SMAD5: variants seen among roughly 807,000 people sequenced by gnomAD.
SMAD5 encodes SMAD family member 5.
In SMAD5, 9 loss-of-function variants were observed where a neutral mutation model predicts 43.1. That is an observed-to-expected ratio of 0.21 (90% CI 0.13 to 0.36). The LOEUF (loss-of-function observed/expected upper bound fraction) is 0.36. Among genes scored for constraint, SMAD5 ranks in the 10% least tolerant of loss-of-function variants. SMAD5 has a pLI of 1.00. For missense variants in SMAD5, 348 were observed against 574.0 expected, an observed-to-expected ratio of 0.61 and a Z score of 4.02; for synonymous variants, 190 against 192.4, an observed-to-expected ratio of 0.99 and a Z score of 0.10.
At chr5:136,164,600 G>A (rs955138419) in intron 5 of SMAD5, among the ~76,000 whole-genome samples, 4 of 152,036 alleles carry the variant, frequency 2.6e-5, no homozygotes, top group Non-Finnish European at 4.4e-5. Context: ...AGAATTTTTT[G>A]TATATTCTGG....
intron 3 of SMAD5, among the ~76,000 whole-genome samples, chr5:136,157,540 T>G (rs1478514389): frequency 6.6e-6 from 1 of 152,208 alleles, no homozygotes; most frequent in Non-Finnish European, 1.5e-5. Context: ...CTTGTTTACC[T>G]GCAGCTAGGT....
At chr5:136,153,545 A>G in intron 2 of SMAD5, 47 bp from the exon 3 acceptor site, 1 of 451,618 alleles carries the variant, frequency 2.2e-6, no homozygotes, top group Non-Finnish European at 3.9e-6. Flanking sequence ...AAATTTGTAT[A>G]TATTGAATTG....
intron 6 of SMAD5, chr5:136,172,925 C>T (rs1402952516): frequency 6.8e-6 from 3 of 440,142 alleles, no homozygotes; most frequent in Non-Finnish European, 1.3e-5. Context: ...GGAACATAAG[C>T]TGTACAGGAA....
intron 3 of SMAD5, among the ~76,000 whole-genome samples, chr5:136,157,111 A>G (rs1194119142): frequency 1.3e-5 from 2 of 152,194 alleles, no homozygotes; most frequent in Non-Finnish European, 2.9e-5. Context: ...ATGGGGTTAG[A>G]AAAGGGTACT....
At position 136,165,662 on chromosome 5, in the gene SMAD5, ATTTTTT is replaced by A. The variant is rs58156387; in HGVS notation, c.775+2303_775+2308del. Among the ~76,000 whole-genome samples, 9 of 65,448 alleles carry A rather than the reference ATTTTTT, an allele frequency of 1.4e-4. No individual in the cohort carries two copies. In the East Asian group the frequency reaches 2.2e-3, roughly 16 times the overall value. 42.9% of individuals were successfully genotyped at this position (65,448 alleles called of 152,430 possible). A position where few individuals can be genotyped will look rare whatever the true frequency, so the allele number is the denominator to read the frequency against. ...TACTTCATATAAATGGAATCATACA[ATTTTTT>A]TTTTTTTTTTTTTTTTTTTTTTTTT... On this transcript the variant is annotated intron_variant, in intron 5 of 7. Transcript: ENST00000545279.
At chr5:136,158,726 C>T (rs971716410) in intron 3 of SMAD5, among the ~76,000 whole-genome samples, 2 of 152,038 alleles carry the variant, frequency 1.3e-5, no homozygotes, top group Non-Finnish European at 2.9e-5. Flanking sequence ...GGTGAAACCC[C>T]GTCTCTACTA....
Position 136,153,675 on chromosome 5 carries a change from C to CCTGT in SMAD5, c.-85_-82dup. ...TTTTAATTGGAACTTCTGCTTAGGA[C>CCTGT]CTGTGTATGACGTTTCACCTGTGAT... is the stretch of plus-strand genomic sequence containing the variant. On this transcript the variant is annotated 5_prime_UTR_variant, in exon 3 of 8. The change creates a premature stop within an existing upstream ORF in the 5' untranslated region. Transcript: ENST00000545279. 1.9e-6 allele frequency: 2 copies of CCTGT among 1,080,726 alleles called. No homozygotes were observed. The highest frequency in any genetic ancestry group is 2.6e-5 in the East Asian group (1 of 38,740). The allele number at this position is 1,080,726 out of a possible 1,614,324, so 66.9% of individuals were successfully genotyped here.
chr5:136,172,636 T>C lies in SMAD5; in HGVS notation c.978T>C (p.Thr326=). 1 of 1,600,488 alleles carries C rather than the reference T, an allele frequency of 6.2e-7. No individual in the cohort carries two copies. Among genetic ancestry groups the C allele is most frequent in the Non-Finnish European group, 8.6e-7 (1 of 1,167,694 alleles). Residue 326 remains threonine, a synonymous_variant, in exon 6 of 8, where the codon ACT becomes ACC. Coordinates refer to ENST00000545279, the MANE Select transcript of SMAD5 (RefSeq NM_005903.7). The part of the protein sequence containing the change: ...NVNRNSTIEN[T]RRHIGKGVHL... ...ATCGTAATTCGACAATTGAAAACAC[T>C]AGGCGACATATTGGAAAAGGTAATC...
At position 136,177,360 on chromosome 5, in the gene SMAD5, G is replaced by C; in HGVS notation, c.1278G>C (p.Arg426=). 1 of 1,613,566 alleles carries C rather than the reference G, an allele frequency of 6.2e-7. No individual in the cohort carries two copies. The highest frequency in any genetic ancestry group is 1.1e-5 in the South Asian group (1 of 91,022). ...AGGGTTGGGGAGCAGAATATCACCG[G>C]CAGGATGTAACCAGCACCCCATGTT... ...FVKGWGAEYH[R]QDVTSTPCWI... is the part of the protein sequence containing the mutation. Residue 426 remains arginine, a synonymous_variant, in exon 8 of 8, where the codon CGG becomes CGC. Coordinates refer to ENST00000545279, the MANE Select transcript of SMAD5 (RefSeq NM_005903.7).
chr5:136,152,063 C>G (rs1001198261), intron 2 of SMAD5, among the ~76,000 whole-genome samples: 2 of 152,046 alleles, frequency 1.3e-5, no homozygotes, highest in Non-Finnish European at 2.9e-5. Flanking sequence ...GAAAAATCAT[C>G]CTACATAGGG....
At chr5:136,143,942 T>G (rs1246568719) in intron 1 of SMAD5, among the ~76,000 whole-genome samples, 2 of 152,106 alleles carry the variant, frequency 1.3e-5, no homozygotes, top group African/African-American at 4.8e-5. Context: ...TTCACTTTTT[T>G]CTTCTTCCAC....
rs945187356 is a variant in SMAD5 at position 136,179,744 on chromosome 5, T to G, written c.*2264T>G. 2.6e-5 allele frequency: 4 copies of G among 152,226 alleles called. No homozygotes were observed. Among genetic ancestry groups the G allele is most frequent in the Non-Finnish European group, 5.9e-5 (4 of 68,026 alleles). 9.4% of individuals were successfully genotyped at this position (152,226 alleles called of 1,614,324 possible). A position where few individuals can be genotyped will look rare whatever the true frequency, so the allele number is the denominator to read the frequency against. On this transcript the variant is annotated 3_prime_UTR_variant, in exon 8 of 8. Transcript: ENST00000545279. ...AATATTTGCTTACTTGATAGAACTT[T>G]GGCATTTTCATCATTCTTTTACTTA...
chr5:136,151,981 T>C (rs1753484906), intron 2 of SMAD5, among the ~76,000 whole-genome samples: 1 of 152,116 alleles, frequency 6.6e-6, no homozygotes, highest in Admixed American at 6.6e-5. Context: ...CTGTGACCTG[T>C]TAGTGACAAT....
At chr5:136,141,438 G>A (rs1468019677) in intron 1 of SMAD5, among the ~76,000 whole-genome samples, 1 of 152,154 alleles carries the variant, frequency 6.6e-6, no homozygotes, top group African/African-American at 2.4e-5. Context: ...CTTACATATA[G>A]GGGTATAGTT....
chr5:136,175,334 A>G (rs1306446204), intron 7 of SMAD5, among the ~76,000 whole-genome samples: 4 of 152,180 alleles, frequency 2.6e-5, no homozygotes, highest in African/African-American at 9.7e-5. Flanking sequence ...CTTAACTTCA[A>G]CAGTTTTGAT....
intron 2 of SMAD5, chr5:136,152,886 A>G (rs2149768050): frequency 6.6e-6 from 1 of 152,288 alleles, no homozygotes; most frequent in Non-Finnish European, 1.5e-5. Context: ...TCATTAACCA[A>G]TATAAAATAT....
chr5:136,164,256 A>T (rs760271007), intron 5 of SMAD5, among the ~76,000 whole-genome samples: 4 of 152,178 alleles, frequency 2.6e-5, no homozygotes, highest in Admixed American at 2.6e-4. Context: ...TTTCTCTTGG[A>T]TAGATATCTA....
chr5:136,166,632 G>A (rs1754024228), intron 5 of SMAD5, among the ~76,000 whole-genome samples: 1 of 152,114 alleles, frequency 6.6e-6, no homozygotes, highest in South Asian at 2.1e-4. Context: ...GGGATGATAT[G>A]CTGGAATTAT....
intron 3 of SMAD5, 46 bp downstream of exon 3, chr5:136,154,209 A>C: frequency 3.2e-6 from 4 of 1,254,252 alleles, no homozygotes; most frequent in Non-Finnish European, 4.2e-6. Context: ...AAAACAAAAA[A>C]CCTCTCTTCC....
Sources: gnomAD v4.1 joint callset for allele counts (sites outside exome capture counted in the v4.1 genomes callset) on GRCh38, gnomAD v4.1.1 for gene constraint, MANE v1.5 for transcripts, NCBI Gene and HGNC (gene_info 2026-07-23, HGNC 2026-07-21) for gene names.